The following POLE4 variants were observed in gnomAD, a reference collection of about 807,000 sequenced individuals.
POLE4 encodes the protein DNA polymerase epsilon subunit 4.
A neutral mutation model predicts 15.6 loss-of-function variants in POLE4; 15 were observed. The ratio of observed to expected loss-of-function variants is 0.96; its 90% CI spans 0.64 to 1.48. The LOEUF (loss-of-function observed/expected upper bound fraction) is 1.48. Among genes scored for constraint, POLE4 ranks in the 40% most tolerant of loss-of-function variants. The probability of loss-of-function intolerance (pLI) is 0.00; values close to 1 mark genes in which losing one functional copy is unlikely to be tolerated. For synonymous variants in POLE4, 83 were observed against 63.2 expected (o/e 1.31, Z -1.49); for missense variants, 205 against 151.9 (o/e 1.35, Z -1.84).
chr2:74,965,454 G>A (rs1671282541), intron 3 of POLE4, among the ~76,000 whole-genome samples: 1 of 152,066 alleles, frequency 6.6e-6, no homozygotes, highest in Non-Finnish European at 1.5e-5. Context: ...GAATTATTTT[G>A]TTTTTGAATA....
At chr2:74,959,513 C>T in intron 2 of POLE4, 88 bp downstream of exon 2, 1 of 802,454 alleles carries the variant, frequency 1.2e-6, no homozygotes. Context: ...TCACTCTGAT[C>T]TGAGAGGTGC....
chr2:74,963,833 A>G (rs1161049479), intron 3 of POLE4, among the ~76,000 whole-genome samples: 1 of 152,014 alleles, frequency 6.6e-6, no homozygotes, highest in African/African-American at 2.4e-5. Context: ...AGTATATGAG[A>G]CGTATCTTTT....
chr2:74,960,623 T>C (rs1047706045), intron 3 of POLE4: 1 of 484,194 alleles, frequency 2.1e-6, no homozygotes, highest in Non-Finnish European at 4.2e-6. Flanking sequence ...TAACTAAATT[T>C]TGTCATTAAA....
At chr2:74,963,406 C>A (rs1671251905) in intron 3 of POLE4, among the ~76,000 whole-genome samples, 1 of 151,966 alleles carries the variant, frequency 6.6e-6, no homozygotes, top group South Asian at 2.1e-4. Flanking sequence ...ATATACATGC[C>A]CATTTTTTTT....
At chr2:74,960,549 T>C (rs753680579) in intron 3 of POLE4, 6 of 497,454 alleles carry the variant, frequency 1.2e-5, no homozygotes, top group Non-Finnish European at 2.4e-5. Flanking sequence ...GTGAAGTGAT[T>C]ATTTTGCTGC....
intron 2 of POLE4, chr2:74,959,719 G>A (rs1671188457): frequency 4.8e-6 from 2 of 417,414 alleles, no homozygotes; most frequent in Non-Finnish European, 8.6e-6. Context: ...CTGGGGATTT[G>A]ATTTCTGACT....
At chr2:74,960,909 T>C (rs1671211731) in intron 3 of POLE4, 1 of 241,920 alleles carries the variant, frequency 4.1e-6, no homozygotes, top group Non-Finnish European at 8.5e-6. Flanking sequence ...AATACACTTA[T>C]CCTCATGTTA....
At chr2:74,969,316 C>A in intron 3 of POLE4, 93 bp from the exon 4 acceptor site, 1 of 1,129,040 alleles carries the variant, frequency 8.9e-7, no homozygotes, top group Non-Finnish European at 1.4e-6. Flanking sequence ...GCTGCCAATA[C>A]CGGAGCCTCT....
chr2:74,960,347 A>C lies in POLE4; in HGVS notation c.340+201A>C, dbSNP rs72912500. The stretch of plus-strand genomic sequence containing the variant: ...TTGGGGAATTAAAATTTCTACCTGA[A>C]AATTGCTAACCATAAAGAAATAGGA... On this transcript the variant is annotated intron_variant, in intron 3 of 3. Transcript: ENST00000483063. The C allele has an allele frequency of 2.7e-5, 16 of 595,354 alleles. No homozygotes were observed. In the African/African-American group the frequency reaches 3.0e-4, roughly 11 times the overall value. The allele number at this position is 595,354 out of a possible 1,614,324, so 36.9% of individuals were successfully genotyped here.
intron 3 of POLE4, among the ~76,000 whole-genome samples, chr2:74,967,143 G>A (rs532749469): frequency 6.6e-6 from 1 of 152,080 alleles, no homozygotes; most frequent in Non-Finnish European, 1.5e-5. Flanking sequence ...TTCTCAGCGA[G>A]TGTCTCTTCA....
chr2:74,966,110 A>T, intron 3 of POLE4, among the ~76,000 whole-genome samples: 1 of 144,630 alleles, frequency 6.9e-6, no homozygotes, highest in African/African-American at 2.6e-5. Flanking sequence ...TTTTCCCTCT[A>T]TCAGCTTGGA....
At chr2:74,959,851 G>A (rs1671190350) in intron 2 of POLE4, 1 of 496,336 alleles carries the variant, frequency 2.0e-6, no homozygotes. Context: ...ATAATTTAGG[G>A]GTAATTTAGG....
At chr2:74,963,929 A>G (rs1671262126) in intron 3 of POLE4, among the ~76,000 whole-genome samples, 1 of 147,724 alleles carries the variant, frequency 6.8e-6, no homozygotes, top group African/African-American at 2.4e-5. Context: ...TTTCCTTATA[A>G]CTAATGCTAT....
intron 3 of POLE4, among the ~76,000 whole-genome samples, chr2:74,963,095 A>G (rs1462450789): frequency 1.3e-5 from 2 of 152,220 alleles, no homozygotes; most frequent in Non-Finnish European, 2.9e-5. Flanking sequence ...GCTGTGAACA[A>G]TCTTGTACAT....
In POLE4 at chr2:74,960,134, G is replaced by A. The variant is rs750225761; in HGVS notation, c.328G>A (p.Ala110Thr). ...TGCAATAGAAGCTGTGGATGAATTTGCTTTTCTGGAAGGTGAGTTCCCTCT... is the reference window on the plus strand; with the variant it reads ...TGCAATAGAAGCTGTGGATGAATTTACTTTTCTGGAAGGTGAGTTCCCTCT... ...DNAIEAVDEFAFLEGTLD is the reference protein window; with the variant it reads ...DNAIEAVDEFTFLEGTLD Residue 110 changes from alanine (A) to threonine (T), a missense_variant, in exon 3 of 4, where the codon GCT (alanine) becomes ACT (threonine). Coordinates refer to ENST00000483063, the MANE Select transcript of POLE4 (RefSeq NM_019896.4). 1 of 1,613,622 alleles carries A rather than the reference G, an allele frequency of 6.2e-7. No individual in the cohort carries two copies. Among genetic ancestry groups the A allele is most frequent in the Non-Finnish European group, 8.5e-7 (1 of 1,179,670 alleles).
In POLE4 at chr2:74,959,396, A is replaced by T. The variant is rs1376197296; in HGVS notation, c.269A>T (p.Lys90Ile). The stretch of plus-strand genomic sequence containing the variant: ...GCCTACTGTTGCGCTCAGCAGGGAA[A>T]AAGGAAAACCCTTCAGAGGAGAGAC... ...KDAYCCAQQG[K>I]RKTLQRRDLD... Residue 90 changes from lysine to isoleucine, a missense_variant, in exon 2 of 4, where the codon AAA becomes ATA. Physicochemically the swap from Lys to Ile is moderately radical, Grantham distance 102. Coordinates refer to ENST00000483063, the MANE Select transcript of POLE4 (RefSeq NM_019896.4). 6.2e-7 allele frequency: 1 copy of T among 1,613,158 alleles called. No homozygotes were observed. Among genetic ancestry groups the T allele is most frequent in the Non-Finnish European group, 8.5e-7 (1 of 1,179,118 alleles).
At chr2:74,965,081 T>C (rs978528180) in intron 3 of POLE4, among the ~76,000 whole-genome samples, 1 of 135,106 alleles carries the variant, frequency 7.4e-6, no homozygotes, top group Non-Finnish European at 1.5e-5. Flanking sequence ...AATTATACAC[T>C]TTTTATCTAT....
At position 74,969,883 on chromosome 2, in the gene POLE4, C is replaced by T. The variant is rs1671347460; in HGVS notation, c.*461C>T. Reference sequence around the variant, plus strand: ...GTTCTTTTATTTTTCCAGCACATCACCAGAAAGTGGTTCCAGAATTTATGG... The same window carrying T: ...GTTCTTTTATTTTTCCAGCACATCATCAGAAAGTGGTTCCAGAATTTATGG... On this transcript the variant is annotated 3_prime_UTR_variant, in exon 4 of 4. Coordinates refer to ENST00000483063, the MANE Select transcript of POLE4 (RefSeq NM_019896.4). 1 of 155,986 alleles carries T rather than the reference C, an allele frequency of 6.4e-6. No individual in the cohort carries two copies. Among genetic ancestry groups the T allele is most frequent in the Non-Finnish European group, 1.4e-5 (1 of 70,276 alleles). 9.7% of individuals were successfully genotyped at this position (155,986 alleles called of 1,614,324 possible). A position where few individuals can be genotyped will look rare whatever the true frequency, so the allele number is the denominator to read the frequency against.
intron 3 of POLE4, among the ~76,000 whole-genome samples, chr2:74,965,194 A>G (rs982616031): frequency 6.6e-6 from 1 of 151,322 alleles, no homozygotes; most frequent in Non-Finnish European, 1.5e-5. Context: ...CCTGGGTTCA[A>G]GTGATTCTCC....
Sources: gnomAD v4.1 joint callset for allele counts (sites outside exome capture counted in the v4.1 genomes callset) on GRCh38, gnomAD v4.1.1 for gene constraint, MANE v1.5 for transcripts, NCBI Gene and HGNC (gene_info 2026-07-23, HGNC 2026-07-21) for gene names.